Variants in ZNF521 observed in about 807,000 individuals in gnomAD.
The protein encoded by ZNF521 is zinc finger protein 521, also known as LYST-interacting protein 3.
Under a neutral mutation model 105.5 loss-of-function variants are expected in ZNF521, and 14 were observed. The observed-to-expected ratio is 0.13, with a 90% CI of 0.09 to 0.21. The LOEUF (loss-of-function observed/expected upper bound fraction) is 0.21. ZNF521 is among the 10% of genes least tolerant of loss of function. The pLI is 1.00. For missense variants in ZNF521, 1,233 were observed against 1,629.7 expected, an observed-to-expected ratio of 0.76 and a Z score of 4.19; for synonymous variants, 635 against 606.0, an observed-to-expected ratio of 1.05 and a Z score of -0.70.
At chr18:25,276,353 A>C (rs1468076135) in intron 3 of ZNF521, among the ~76,000 whole-genome samples, 1 of 152,198 alleles carries the variant, frequency 6.6e-6, no homozygotes. Flanking sequence ...CCTGAGAGAT[A>C]TACAAAATTA....
chr18:25,065,357 A>T (rs2033027925), intron 7 of ZNF521, among the ~76,000 whole-genome samples: 1 of 152,174 alleles, frequency 6.6e-6, no homozygotes, highest in Non-Finnish European at 1.5e-5. Context: ...TGCTGATTCA[A>T]TGTACTGAAA....
At chr18:25,200,938 CAG>C (rs1261930493) in intron 4 of ZNF521, 1 of 151,906 alleles carries the variant, frequency 6.6e-6, no homozygotes, top group Non-Finnish European at 1.5e-5. Flanking sequence ...AAGTCTTTGT[CAG>C]ACTGTTCAAA....
At chr18:25,122,030 G>GA (rs1216544442) in intron 5 of ZNF521, among the ~76,000 whole-genome samples, 8 of 152,110 alleles carry the variant, frequency 5.3e-5, no homozygotes, top group African/African-American at 1.9e-4. Flanking sequence ...AAAATTAGTA[G>GA]AAAAAGACAT....
chr18:25,073,602 C>T (rs1325863341), intron 7 of ZNF521, among the ~76,000 whole-genome samples: 1 of 152,128 alleles, frequency 6.6e-6, no homozygotes, highest in Admixed American at 6.5e-5. Context: ...AAGCACAGGG[C>T]GTTGTAATTT....
chr18:25,177,087 T>C lies in ZNF521; in HGVS notation c.3658+18073A>G, dbSNP rs971263166. 4.0e-5 allele frequency among the ~76,000 whole-genome samples: 6 copies of C among 151,606 alleles called. No homozygotes were observed. In the Admixed American group the frequency reaches 4.0e-4, roughly 10 times the overall value. On this transcript the variant is annotated intron_variant, in intron 5 of 7. Transcript: ENST00000361524. ...CTGCTAAATTTCATGTCACTTTCAGTGATTTTTTTTTTTACTGCTAGTTTT... is the reference window on the plus strand; with the variant it reads ...CTGCTAAATTTCATGTCACTTTCAGCGATTTTTTTTTTTACTGCTAGTTTT...
intron 5 of ZNF521, among the ~76,000 whole-genome samples, chr18:25,168,949 T>C (rs1007933459): frequency 8.8e-6 from 1 of 113,432 alleles, no homozygotes; most frequent in African/African-American, 4.3e-5. Flanking sequence ...GGTTTCTGTG[T>C]CTGGGGTGTG....
intron 2 of ZNF521, among the ~76,000 whole-genome samples, chr18:25,332,264 A>G (rs1913617510): frequency 6.6e-6 from 1 of 151,798 alleles, no homozygotes; most frequent in Non-Finnish European, 1.5e-5. Context: ...CCTTGGTAAC[A>G]TGATGACTCA....
intron 2 of ZNF521, chr18:25,327,601 G>T (rs1344285920): frequency 3.6e-6 from 2 of 555,878 alleles, no homozygotes; most frequent in East Asian, 5.4e-5. Flanking sequence ...GAGTTAACAA[G>T]AAGTAGAAAG....
At chr18:25,132,975 G>A (rs904396215) in intron 5 of ZNF521, among the ~76,000 whole-genome samples, 1 of 152,174 alleles carries the variant, frequency 6.6e-6, no homozygotes, top group African/African-American at 2.4e-5. Flanking sequence ...CATGTGTGCG[G>A]CATCAGCTGA....
chr18:25,264,916 T>C (rs1030031388), intron 3 of ZNF521, among the ~76,000 whole-genome samples: 3 of 151,906 alleles, frequency 2.0e-5, no homozygotes, highest in Non-Finnish European at 4.4e-5. Flanking sequence ...ACACCAAGTA[T>C]GGCAGGAAGG....
At chr18:25,251,797 T>C (rs1181429198) in intron 3 of ZNF521, among the ~76,000 whole-genome samples, 2 of 152,210 alleles carry the variant, frequency 1.3e-5, no homozygotes, top group Non-Finnish European at 2.9e-5. Flanking sequence ...CCTTTCCTTA[T>C]ACAAGGAATA....
rs533086358 is a variant in ZNF521 at position 25,301,254 on chromosome 18, T to C, written c.220+20754A>G. Among the ~76,000 whole-genome samples, 46 of 152,288 alleles carry C rather than the reference T, an allele frequency of 3.0e-4. No individual in the cohort carries two copies. In the South Asian group the frequency reaches 7.2e-3, roughly 24 times the overall value. Reference sequence around the variant, plus strand: ...CTGACAAGGACTCGGACCATGCAGATAATATCTGGTATAACAACTAAAGAC... The same window carrying C: ...CTGACAAGGACTCGGACCATGCAGACAATATCTGGTATAACAACTAAAGAC... On this transcript the variant is annotated intron_variant, in intron 3 of 7. Transcript: ENST00000361524.
chr18:25,337,902 C>G (rs1913979943), intron 2 of ZNF521, among the ~76,000 whole-genome samples: 5 of 152,062 alleles, frequency 3.3e-5, no homozygotes, highest in Admixed American at 3.3e-4. Context: ...ACAATGGATA[C>G]TGCAAAGTCA....
At chr18:25,262,940 T>A (rs1274475968) in intron 3 of ZNF521, among the ~76,000 whole-genome samples, 1 of 152,176 alleles carries the variant, frequency 6.6e-6, no homozygotes, top group Non-Finnish European at 1.5e-5. Context: ...AAACTTTCTC[T>A]GAATGTCAAC....
chr18:25,288,959 G>C (rs1220129780), intron 3 of ZNF521, among the ~76,000 whole-genome samples: 2 of 152,110 alleles, frequency 1.3e-5, no homozygotes, highest in Non-Finnish European at 2.9e-5. Flanking sequence ...AAAACTTAAG[G>C]CTATTGATAA....
intron 3 of ZNF521, among the ~76,000 whole-genome samples, chr18:25,257,929 A>C (rs1325876770): frequency 6.6e-6 from 1 of 152,178 alleles, no homozygotes; most frequent in Non-Finnish European, 1.5e-5. Flanking sequence ...AGAAGAACAC[A>C]TTCACAGACA....
chr18:25,294,539 C>T (rs926606418), intron 3 of ZNF521, among the ~76,000 whole-genome samples: 4 of 152,042 alleles, frequency 2.6e-5, no homozygotes, highest in South Asian at 2.1e-4. Context: ...CCTCTTTTTG[C>T]ATAATTGCCT....
chr18:25,227,927 CTA>C lies in ZNF521; in HGVS notation c.221-232_221-231del, dbSNP rs1235043148. On this transcript the variant is annotated intron_variant, in intron 3 of 7. Coordinates refer to ENST00000361524, the MANE Select transcript of ZNF521 (RefSeq NM_015461.3). The surrounding 1 kb of genome is among the most constrained non-coding windows in gnomAD (Gnocchi z 5.7). ...AAATATAAGAGGATATTAAATAGTT[CTA>C]TGTCTAAATTACCCTTTTATTACTT... Among the ~76,000 whole-genome samples, 1 of 152,184 alleles carries C rather than the reference CTA, an allele frequency of 6.6e-6. No individual in the cohort carries two copies. The highest frequency in any genetic ancestry group is 1.5e-5 in the Non-Finnish European group (1 of 68,022).
intron 5 of ZNF521, among the ~76,000 whole-genome samples, chr18:25,174,800 T>C (rs1466905730): frequency 6.6e-6 from 1 of 152,252 alleles, no homozygotes; most frequent in African/African-American, 2.4e-5. Flanking sequence ...CCAACCTTTC[T>C]GAGCACTGTT....
Sources: allele counts gnomAD v4.1 joint callset (sites outside exome capture counted in the v4.1 genomes callset), GRCh38; gene constraint gnomAD v4.1.1; non-coding constraint Gnocchi (gnomAD v3.1); transcripts MANE v1.5; gene names NCBI Gene and HGNC (gene_info 2026-07-23, HGNC 2026-07-21).